Variants in NBAS observed in about 807,000 individuals in gnomAD.
The protein encoded by NBAS is NAG/BC035112 fusion.
A neutral mutation model predicts 302.5 loss-of-function variants in NBAS; 219 were observed. The observed-to-expected ratio is 0.72, with a 90% CI of 0.65 to 0.81. The LOEUF (loss-of-function observed/expected upper bound fraction) is 0.81, where lower values mean the gene tolerates loss of function less well. Among genes scored for constraint, NBAS ranks in the 30% least tolerant of loss-of-function variants. NBAS has a pLI of 0.00. For missense variants in NBAS, 2,932 were observed against 2,841.6 expected (o/e 1.03, Z -0.72); for synonymous variants, 1,118 against 1,021.6 (o/e 1.09, Z -1.80).
At chr2:15,409,544 T>C (rs1676581200) in intron 25 of NBAS, among the ~76,000 whole-genome samples, 1 of 152,238 alleles carries the variant, frequency 6.6e-6, no homozygotes, top group Admixed American at 6.5e-5. Context: ...GTAGCCAAAA[T>C]TCTTTTGAAT....
the NBAS span, among the ~76,000 whole-genome samples, chr2:15,031,249 A>G: frequency 2.6e-5 from 4 of 152,068 alleles, no homozygotes; most frequent in Non-Finnish European, 5.9e-5. Context: ...TTAACTGCCA[A>G]CTCTACCACT....
chr2:14,943,817 C>G, the NBAS span, among the ~76,000 whole-genome samples: 1 of 152,040 alleles, frequency 6.6e-6, no homozygotes, highest in Non-Finnish European at 1.5e-5. Flanking sequence ...ACTATAACCT[C>G]AAAGTAAATT....
chr2:15,481,202 C>T (rs1680413097), intron 12 of NBAS, among the ~76,000 whole-genome samples: 1 of 152,182 alleles, frequency 6.6e-6, no homozygotes, highest in Non-Finnish European at 1.5e-5. Flanking sequence ...TATGGATATA[C>T]CACAGTTTGT....
In NBAS at chr2:15,277,046, A is replaced by G. The variant is rs749801894; in HGVS notation, c.5194T>C (p.Leu1732=). The change falls in exon 43 of 52, where the codon TTG becomes CTG. Residue 1732 remains leucine, a synonymous_variant. Transcript: ENST00000281513. ...TGAAAGGCTTCTGGATCAGTCTTCA[A>G]AGTCTCAAAGAGATGAAGGTCTTGG... The part of the protein sequence containing the change: ...RAQDLHLFET[L]KTDPEAFHQH... 2 of 1,613,698 alleles carry G rather than the reference A, an allele frequency of 1.2e-6. No individual in the cohort carries two copies. Among genetic ancestry groups the G allele is most frequent in the African/African-American group, 2.7e-5 (2 of 74,898 alleles).
At chr2:15,201,057 T>A (rs552769445) in intron 48 of NBAS, among the ~76,000 whole-genome samples, 1 of 152,318 alleles carries the variant, frequency 6.6e-6, no homozygotes, top group South Asian at 2.1e-4. Flanking sequence ...ACCATATTCT[T>A]TTTAAGAAAT....
chr2:14,911,521 T>C, the NBAS span, among the ~76,000 whole-genome samples: 8 of 152,042 alleles, frequency 5.3e-5, no homozygotes, highest in Non-Finnish European at 1.2e-4. Flanking sequence ...AATGTATCGG[T>C]TTTAGAGTGA....
chr2:15,303,302 A>G (rs117074877), intron 40 of NBAS, among the ~76,000 whole-genome samples: 1 of 152,324 alleles, frequency 6.6e-6, no homozygotes, highest in East Asian at 1.9e-4. Flanking sequence ...TCGGGGTAAG[A>G]GGGAGAAAGG....
intron 35 of NBAS, among the ~76,000 whole-genome samples, chr2:15,338,079 A>T (rs1672673658): frequency 6.6e-6 from 1 of 152,250 alleles, no homozygotes. Context: ...CTGTAACAAC[A>T]GACACCATCA....
chr2:15,360,842 T>G (rs1291568686), intron 32 of NBAS, among the ~76,000 whole-genome samples: 1 of 152,128 alleles, frequency 6.6e-6, no homozygotes, highest in Non-Finnish European at 1.5e-5. Context: ...TATCAATGCC[T>G]TCTGGAATCC....
intron 38 of NBAS, among the ~76,000 whole-genome samples, chr2:15,319,676 C>A (rs1227538835): frequency 1.3e-5 from 2 of 152,088 alleles, no homozygotes; most frequent in South Asian, 2.1e-4. Context: ...GACACATACA[C>A]CCTCCCAAGA....
chr2:14,784,436 T>C, the NBAS span, among the ~76,000 whole-genome samples: 2 of 152,192 alleles, frequency 1.3e-5, no homozygotes, highest in Admixed American at 6.5e-5. Context: ...TCTTCTAGGG[T>C]TTTTATGGTT....
At chr2:14,822,768 T>C in the NBAS span, among the ~76,000 whole-genome samples, 61 of 152,324 alleles carry the variant, frequency 4.0e-4, no homozygotes, top group African/African-American at 1.4e-3. Context: ...GAATGTAAGA[T>C]TGTAGTTTGT....
the NBAS span, among the ~76,000 whole-genome samples, chr2:14,906,527 AC>A: frequency 1.3e-5 from 2 of 152,048 alleles, no homozygotes; most frequent in Admixed American, 6.5e-5. Context: ...GTTCCTGGGG[AC>A]CCACCTTTAC....
chr2:15,299,924 G>A (rs1160058499), intron 40 of NBAS, among the ~76,000 whole-genome samples: 2 of 152,162 alleles, frequency 1.3e-5, no homozygotes, highest in African/African-American at 4.8e-5. Flanking sequence ...GGTCACATGT[G>A]TATTTTTTAA....
chr2:15,508,234 C>A (rs991742737), intron 10 of NBAS, among the ~76,000 whole-genome samples: 7 of 152,170 alleles, frequency 4.6e-5, no homozygotes, highest in Admixed American at 4.6e-4. Flanking sequence ...AGCGCACAAG[C>A]AATTTTCTTT....
At chr2:15,148,916 G>T in the NBAS span, among the ~76,000 whole-genome samples, 1 of 152,048 alleles carries the variant, frequency 6.6e-6, no homozygotes, top group Non-Finnish European at 1.5e-5. Context: ...TTAGGCTTTC[G>T]ACATTTAAGA....
Position 15,507,156 on chromosome 2 carries a change from C to A in NBAS, c.886-2943G>T, listed in dbSNP as rs533774339. 5.4e-4 allele frequency among the ~76,000 whole-genome samples: 82 copies of A among 152,270 alleles called. No individual in the cohort carries two copies. The Middle Eastern group carries it at 0.017, about 32-fold the overall frequency. On this transcript the variant is annotated intron_variant, in intron 10 of 51. Coordinates refer to ENST00000281513, the MANE Select transcript of NBAS (RefSeq NM_015909.4). ...AAAATTCCTGATGTAAGATGAATATCCTTCAATAAACAAGAGTGGGAGATC... is the reference window on the plus strand; with the variant it reads ...AAAATTCCTGATGTAAGATGAATATACTTCAATAAACAAGAGTGGGAGATC...
At chr2:15,325,346 C>T (rs139813650) in intron 38 of NBAS, among the ~76,000 whole-genome samples, 326 of 151,932 alleles carry the variant, frequency 2.1e-3, no homozygotes, top group African/African-American at 7.3e-3. Context: ...GTCTAGAAAA[C>T]CATGCATATA....
At chr2:15,454,654 T>G (rs929503888) in intron 21 of NBAS, among the ~76,000 whole-genome samples, 1 of 152,118 alleles carries the variant, frequency 6.6e-6, no homozygotes, top group Non-Finnish European at 1.5e-5. Flanking sequence ...GCATGTACAT[T>G]CCTCAAACAT....
Sources: allele counts gnomAD v4.1 joint callset (sites outside exome capture counted in the v4.1 genomes callset), GRCh38; gene constraint gnomAD v4.1.1; transcripts MANE v1.5; gene names NCBI Gene and HGNC (gene_info 2026-07-23, HGNC 2026-07-21).